The following PPP1R42 variants were observed in gnomAD, a reference collection of about 807,000 sequenced individuals.
PPP1R42 encodes leucine rich repeat containing 67.
A neutral mutation model predicts 31.0 loss-of-function variants in PPP1R42; 34 were observed. That is an observed-to-expected ratio of 1.10 (90% CI 0.83 to 1.46). The LOEUF (loss-of-function observed/expected upper bound fraction) is 1.46, where lower values mean the gene tolerates loss of function less well. Ranked by LOEUF, PPP1R42 falls within the 40% of genes most tolerant of loss-of-function variation. The probability of loss-of-function intolerance (pLI) is 0.00; values close to 1 mark genes in which losing one functional copy is unlikely to be tolerated. For missense variants in PPP1R42, 268 were observed against 303.0 expected, an observed-to-expected ratio of 0.88 and a Z score of 0.86; for synonymous variants, 103 against 109.8, an observed-to-expected ratio of 0.94 and a Z score of 0.39.
At chr8:67,006,258 T>G (rs1335504433) in intron 5 of PPP1R42, among the ~76,000 whole-genome samples, 1 of 152,258 alleles carries the variant, frequency 6.6e-6, no homozygotes, top group Non-Finnish European at 1.5e-5. Flanking sequence ...CGTAATAACC[T>G]GATCTAAAAT....
At chr8:66,998,214 G>T (rs566745912) in intron 5 of PPP1R42, among the ~76,000 whole-genome samples, 1 of 152,108 alleles carries the variant, frequency 6.6e-6, no homozygotes, top group Non-Finnish European at 1.5e-5. Context: ...CATTTATGTA[G>T]ATCTTCTTTA....
intron 6 of PPP1R42, among the ~76,000 whole-genome samples, chr8:66,983,339 T>A (rs80220719): frequency 0.035 from 5,287 of 152,176 alleles, 190 homozygotes; most frequent in African/African-American, 0.079. Context: ...TTTCTGTTGT[T>A]TATGGATATA....
At chr8:66,980,854 T>C (rs749612298) in intron 7 of PPP1R42, among the ~76,000 whole-genome samples, 1 of 152,106 alleles carries the variant, frequency 6.6e-6, no homozygotes, top group Non-Finnish European at 1.5e-5. Flanking sequence ...CTTTTTTTTT[T>C]TTCTTTAAGA....
At chr8:67,005,208 T>C (rs754934817) in intron 5 of PPP1R42, among the ~76,000 whole-genome samples, 1 of 151,956 alleles carries the variant, frequency 6.6e-6, no homozygotes, top group Non-Finnish European at 1.5e-5. Flanking sequence ...CCTCTAACTT[T>C]GTTGTTCAGG....
chr8:67,015,579 T>G (rs543833499), intron 2 of PPP1R42, among the ~76,000 whole-genome samples: 1 of 151,874 alleles, frequency 6.6e-6, no homozygotes, highest in African/African-American at 2.4e-5. Flanking sequence ...GTATATTATA[T>G]GAAAAAGAAC....
chr8:66,985,568 G>A (rs1247584087), intron 6 of PPP1R42: 2 of 1,339,212 alleles, frequency 1.5e-6, no homozygotes, highest in Non-Finnish European at 2.1e-6. Context: ...ATGAGTCCTG[G>A]CTTCAGTGCC....
chr8:66,990,489 T>C (rs1273866894), intron 5 of PPP1R42, among the ~76,000 whole-genome samples: 1 of 152,230 alleles, frequency 6.6e-6, no homozygotes, highest in South Asian at 2.1e-4. Context: ...ACTTTCCTGC[T>C]CTTCAATAAG....
intron 7 of PPP1R42, among the ~76,000 whole-genome samples, chr8:66,977,837 T>C (rs1814721795): frequency 1.3e-5 from 2 of 152,112 alleles, no homozygotes; most frequent in Admixed American, 1.3e-4. Context: ...TTTGAAGAGA[T>C]GGTGTCTTGC....
At chr8:67,028,450 G>C (rs931750978) in intron 1 of PPP1R42, 41 bp downstream of exon 1, 3 of 981,784 alleles carry the variant, frequency 3.1e-6, no homozygotes, top group Non-Finnish European at 3.6e-6. Context: ...TGGTTCTAGG[G>C]TTTCCTCGGT....
At chr8:67,009,585 T>C (rs1017821686) in intron 5 of PPP1R42, among the ~76,000 whole-genome samples, 5 of 151,786 alleles carry the variant, frequency 3.3e-5, no homozygotes, top group Admixed American at 2.6e-4. Flanking sequence ...AAAAAAAAAA[T>C]GTAAAATATA....
intron 5 of PPP1R42, among the ~76,000 whole-genome samples, chr8:66,997,542 CT>C (rs34949630): frequency 0.12 from 15,552 of 127,508 alleles, 1,635 homozygotes; most frequent in African/African-American, 0.31. Context: ...CTGTGCCTGG[CT>C]TTTTTTTTTT....
intron 1 of PPP1R42, among the ~76,000 whole-genome samples, chr8:67,023,848 A>C (rs1370880504): frequency 6.6e-6 from 1 of 151,122 alleles, no homozygotes; most frequent in Non-Finnish European, 1.5e-5. Context: ...GTTTTTTTTT[A>C]AGATAGCCAT....
intron 5 of PPP1R42, among the ~76,000 whole-genome samples, chr8:66,996,628 C>T (rs1387119569): frequency 6.6e-6 from 1 of 152,166 alleles, no homozygotes; most frequent in Non-Finnish European, 1.5e-5. Flanking sequence ...CTAGTTTACT[C>T]TCCTGTTTAG....
At chr8:66,997,373 C>T (rs2130942719) in intron 5 of PPP1R42, among the ~76,000 whole-genome samples, 1 of 151,992 alleles carries the variant, frequency 6.6e-6, no homozygotes, top group South Asian at 2.1e-4. Flanking sequence ...GATCATGGCT[C>T]TCTGCTGTCT....
intron 1 of PPP1R42, among the ~76,000 whole-genome samples, chr8:67,019,256 T>C (rs1259418707): frequency 7.0e-6 from 1 of 142,618 alleles, no homozygotes; most frequent in East Asian, 2.1e-4. Flanking sequence ...TTTTTTTTTT[T>C]TTTTTGAGAT....
intron 6 of PPP1R42, chr8:66,986,020 A>G: frequency 2.7e-6 from 2 of 749,040 alleles, no homozygotes; most frequent in South Asian, 2.7e-5. Flanking sequence ...CCTTCCTCCT[A>G]CAGCCTCAGT....
At chr8:67,019,845 G>A (rs1294008817) in intron 1 of PPP1R42, among the ~76,000 whole-genome samples, 10 of 151,140 alleles carry the variant, frequency 6.6e-5, no homozygotes, top group Non-Finnish European at 1.3e-4. Flanking sequence ...CCGAGATCAC[G>A]CCACTGCACT....
chr8:67,025,469 T>G (rs181500904), intron 1 of PPP1R42, among the ~76,000 whole-genome samples: 69 of 152,174 alleles, frequency 4.5e-4, no homozygotes, highest in Non-Finnish European at 7.6e-4. Flanking sequence ...AACAGAAAAT[T>G]TGGATCACCT....
intron 6 of PPP1R42, among the ~76,000 whole-genome samples, chr8:66,987,607 T>C (rs539439287): frequency 7.2e-5 from 11 of 152,270 alleles, no homozygotes; most frequent in African/African-American, 2.2e-4. Flanking sequence ...TGTTCTTATT[T>C]GAAGTTAATA....
Sources: gnomAD v4.1 joint callset for allele counts (sites outside exome capture counted in the v4.1 genomes callset) on GRCh38, gnomAD v4.1.1 for gene constraint, MANE v1.5 for transcripts, NCBI Gene and HGNC (gene_info 2026-07-23, HGNC 2026-07-21) for gene names.